The following HACE1 variants were observed in gnomAD, a reference collection of about 807,000 sequenced individuals.
HACE1 encodes HECT domain and ankyrin repeat containing E3 ubiquitin protein ligase 1.
In HACE1, 73 loss-of-function variants were observed where a neutral mutation model predicts 118.4. The ratio of observed to expected loss-of-function variants is 0.62; its 90% CI spans 0.51 to 0.75. The LOEUF (loss-of-function observed/expected upper bound fraction) is 0.75, where lower values mean the gene tolerates loss of function less well. HACE1 is among the 30% of genes least tolerant of loss of function. HACE1 has a pLI of 0.00. For missense variants in HACE1, 749 were observed against 1,102.2 expected (o/e 0.68, Z 4.54); for synonymous variants, 368 against 374.8 (o/e 0.98, Z 0.21).
At chr6:104,821,105 A>G (rs999581860) in intron 6 of HACE1, among the ~76,000 whole-genome samples, 1 of 152,144 alleles carries the variant, frequency 6.6e-6, no homozygotes, top group Non-Finnish European at 1.5e-5. Flanking sequence ...ACCAAATACC[A>G]CACGTTCTCT....
intron 17 of HACE1, among the ~76,000 whole-genome samples, chr6:104,773,524 C>T (rs1371799794): frequency 6.6e-6 from 1 of 151,502 alleles, no homozygotes; most frequent in Non-Finnish European, 1.5e-5. Flanking sequence ...GTATTAAAAG[C>T]CAAAGCAAAG....
At chr6:104,859,535 C>A (rs1283867932) in intron 1 of HACE1, 32 bp downstream of exon 1, 1 of 1,484,512 alleles carries the variant, frequency 6.7e-7, no homozygotes, top group South Asian at 1.3e-5. Flanking sequence ...CCCCCAGCCC[C>A]GCGGCCAGCC....
chr6:104,795,293 T>C (rs1003958598), intron 10 of HACE1, among the ~76,000 whole-genome samples: 6 of 152,216 alleles, frequency 3.9e-5, no homozygotes, highest in African/African-American at 1.2e-4. Flanking sequence ...TTCTTCTTCA[T>C]GTACATTTAC....
chr6:104,756,549 A>T (rs1367708357), intron 19 of HACE1, among the ~76,000 whole-genome samples: 1 of 152,056 alleles, frequency 6.6e-6, no homozygotes, highest in Admixed American at 6.6e-5. Flanking sequence ...AAATTCAGTC[A>T]TTGAAAATAG....
intron 20 of HACE1, among the ~76,000 whole-genome samples, chr6:104,745,218 G>T (rs1201797879): frequency 6.6e-6 from 1 of 152,082 alleles, no homozygotes; most frequent in Non-Finnish European, 1.5e-5. Context: ...TGACTTGATA[G>T]GTTTATTTTA....
intron 22 of HACE1, among the ~76,000 whole-genome samples, chr6:104,740,408 G>A (rs533828508): frequency 1.6e-3 from 244 of 152,092 alleles, no homozygotes; most frequent in Admixed American, 4.8e-3. Context: ...CAACAAAATT[G>A]ATAGACCGCT....
At chr6:104,808,507 C>T (rs1020210861) in intron 7 of HACE1, among the ~76,000 whole-genome samples, 2 of 152,270 alleles carry the variant, frequency 1.3e-5, no homozygotes, top group East Asian at 3.9e-4. Context: ...AACCTGCCTA[C>T]ACAAACTAGG....
chr6:104,733,566 T>C (rs1775438558), intron 22 of HACE1, among the ~76,000 whole-genome samples: 1 of 152,168 alleles, frequency 6.6e-6, no homozygotes, highest in Non-Finnish European at 1.5e-5. Flanking sequence ...ATTTAAAAAG[T>C]AATTGGCCAG....
chr6:104,770,485 G>A (rs907222052), intron 19 of HACE1, among the ~76,000 whole-genome samples: 2 of 152,088 alleles, frequency 1.3e-5, no homozygotes, highest in African/African-American at 4.8e-5. Context: ...TTGGGAGGCC[G>A]AGGCAGACAG....
chr6:104,825,445 T>C (rs1773228025), intron 6 of HACE1, among the ~76,000 whole-genome samples: 1 of 152,214 alleles, frequency 6.6e-6, no homozygotes, highest in African/African-American at 2.4e-5. Context: ...TCTGATTGGC[T>C]GCACATAGCA....
At position 104,816,027 on chromosome 6, in the gene HACE1, C is replaced by T. The variant is rs377550075; in HGVS notation, c.535-4634G>A. Among the ~76,000 whole-genome samples the T allele has an allele frequency of 3.0e-3, 451 of 151,096 alleles. 3 individuals carry two copies. Among genetic ancestry groups the T allele is most frequent in the African/African-American group, 0.01 (430 of 41,130 alleles). ...GGCGGAGATTGCAGTGAGCCGAGAT[C>T]ACTGCATTGCACTCCAGCCTGGGCG... On this transcript the variant is annotated intron_variant, in intron 6 of 23. Transcript: ENST00000262903.
intron 7 of HACE1, among the ~76,000 whole-genome samples, chr6:104,810,363 G>GA (rs547526593): frequency 9.2e-5 from 14 of 151,418 alleles, no homozygotes; most frequent in African/African-American, 3.4e-4. Flanking sequence ...AGCTAAACAA[G>GA]AAAAAAAGCA....
chr6:104,830,758 C>CT (rs3035081), intron 6 of HACE1, among the ~76,000 whole-genome samples: 42,078 of 132,652 alleles, frequency 0.32, 6,941 homozygotes, highest in East Asian at 0.41. Context: ...AAATTACATT[C>CT]TTTTTTTTTT....
intron 10 of HACE1, 80 bp downstream of exon 10, chr6:104,795,499 T>C: frequency 1.2e-6 from 1 of 854,338 alleles, no homozygotes; most frequent in Non-Finnish European, 2.0e-6. Flanking sequence ...ACAAAAGGTA[T>C]CCCACAGAAT....
intron 19 of HACE1, among the ~76,000 whole-genome samples, chr6:104,770,907 A>G (rs553236033): frequency 6.6e-6 from 1 of 152,326 alleles, no homozygotes; most frequent in South Asian, 2.1e-4. Flanking sequence ...ATTTAAGCTT[A>G]TATTTCTAAT....
At chr6:104,830,015 C>T (rs1213241665) in intron 6 of HACE1, among the ~76,000 whole-genome samples, 1 of 152,134 alleles carries the variant, frequency 6.6e-6, no homozygotes, top group African/African-American at 2.4e-5. Context: ...GTAATTCTTG[C>T]TTCTATACTG....
intron 6 of HACE1, among the ~76,000 whole-genome samples, chr6:104,822,384 G>GA (rs751726472): frequency 0.035 from 3,226 of 91,458 alleles, 183 homozygotes; most frequent in African/African-American, 0.12. Context: ...CTCCATCTCA[G>GA]AAAAAAAAAA....
At chr6:104,847,095 G>C (rs1302518143) in intron 4 of HACE1, among the ~76,000 whole-genome samples, 1 of 151,960 alleles carries the variant, frequency 6.6e-6, no homozygotes, top group Non-Finnish European at 1.5e-5. Context: ...CACTTTATTT[G>C]TTTCTAAAAA....
Position 104,859,908 on chromosome 6 carries a change from G to T in HACE1, c.-266C>A. ...CCGCCGCCGCGTCCCTCCCGGGCTC[G>T]CGTGGCCTTCTGGGAACTGTAGTTT... On this transcript the variant is annotated 5_prime_UTR_variant, in exon 1 of 24. Coordinates refer to ENST00000262903, the MANE Select transcript of HACE1 (RefSeq NM_020771.4). 1 of 454,452 alleles carries T rather than the reference G, an allele frequency of 2.2e-6. No homozygotes were observed. The allele number at this position is 454,452 out of a possible 1,614,324, so 28.2% of individuals were successfully genotyped here.
Sources: allele counts gnomAD v4.1 joint callset (sites outside exome capture counted in the v4.1 genomes callset), GRCh38; gene constraint gnomAD v4.1.1; transcripts MANE v1.5; gene names NCBI Gene and HGNC (gene_info 2026-07-23, HGNC 2026-07-21).